DLGAP2: variants seen among roughly 807,000 people sequenced by gnomAD.
DLGAP2 encodes disks large-associated protein 2.
DLGAP2 carries 26 observed loss-of-function variants against 100.3 expected under a neutral mutation model. The observed-to-expected ratio is 0.26, with a 90% confidence interval of 0.19 to 0.36. The LOEUF is 0.36. Among genes scored for constraint, DLGAP2 ranks in the 10% least tolerant of loss-of-function variants. The probability of loss-of-function intolerance (pLI) is 1.00; values close to 1 mark genes in which losing one functional copy is unlikely to be tolerated. For missense variants in DLGAP2, 1,858 were observed against 1,453.2 expected, an observed-to-expected ratio of 1.28 and a Z score of -4.53; for synonymous variants, 886 against 630.1, an observed-to-expected ratio of 1.41 and a Z score of -6.08.
At chr8:740,180 G>A (rs1328449273) in intron 1 of DLGAP2, 4 of 152,174 alleles carry the variant, frequency 2.6e-5, no homozygotes, top group African/African-American at 9.7e-5. Flanking sequence ...TGAGTACTAC[G>A]TCAAATAATT....
intron 2 of DLGAP2, among the ~76,000 whole-genome samples, chr8:1,050,513 T>TA (rs1438231712): frequency 2.0e-5 from 3 of 152,186 alleles, no homozygotes; most frequent in Non-Finnish European, 4.4e-5. Context: ...ATTTTTGACT[T>TA]ACGGCATTTT....
intron 1 of DLGAP2, among the ~76,000 whole-genome samples, chr8:847,286 G>T (rs1261558545): frequency 6.6e-6 from 1 of 151,966 alleles, no homozygotes; most frequent in Non-Finnish European, 1.5e-5. Flanking sequence ...TGTTTCTTTT[G>T]ATCTATTTAA....
chr8:1,048,056 T>C (rs1802564270), intron 2 of DLGAP2, among the ~76,000 whole-genome samples: 1 of 152,178 alleles, frequency 6.6e-6, no homozygotes, highest in Admixed American at 6.5e-5. Flanking sequence ...GCTCAAGTTT[T>C]GGACCAACCT....
chr8:1,041,611 GCCCC>G (rs1802351189), intron 2 of DLGAP2, among the ~76,000 whole-genome samples: 1 of 125,118 alleles, frequency 8.0e-6, no homozygotes, highest in East Asian at 2.3e-4. Context: ...TGTTCTCCGA[GCCCC>G]TTGCCGTGGG....
At chr8:824,228 C>T (rs1057034917) in intron 1 of DLGAP2, among the ~76,000 whole-genome samples, 1 of 152,072 alleles carries the variant, frequency 6.6e-6, no homozygotes, top group Non-Finnish European at 1.5e-5. Context: ...GTACTTGCCA[C>T]CATGCCTGGC....
In DLGAP2 at chr8:1,370,804, C is replaced by G. The variant is rs1476923740; in HGVS notation, c.106+111921C>G. Among the ~76,000 whole-genome samples, 5 of 152,212 alleles carry G rather than the reference C, an allele frequency of 3.3e-5. No homozygotes were observed. In the East Asian group the frequency reaches 7.7e-4, roughly 23 times the overall value. ...ACTGCCTGGCCTGGGGCAAGTTCCACTCCTCTGTTTCTTCATCATTAAATT... is the reference window on the plus strand; with the variant it reads ...ACTGCCTGGCCTGGGGCAAGTTCCAGTCCTCTGTTTCTTCATCATTAAATT... On this transcript the variant is annotated intron_variant, in intron 3 of 14. Transcript: ENST00000637795.
intron 2 of DLGAP2, among the ~76,000 whole-genome samples, chr8:973,624 G>C (rs545987977): frequency 4.6e-4 from 70 of 152,352 alleles, no homozygotes; most frequent in African/African-American, 1.7e-3. Flanking sequence ...GGGAGGTGGA[G>C]GTTGTAGTGA....
At chr8:741,435 G>A (rs1039329386) in intron 1 of DLGAP2, among the ~76,000 whole-genome samples, 1 of 152,096 alleles carries the variant, frequency 6.6e-6, no homozygotes, top group African/African-American at 2.4e-5. Flanking sequence ...TCTTCTCCCA[G>A]TCCTCAGGTC....
intron 1 of DLGAP2, among the ~76,000 whole-genome samples, chr8:854,629 G>A (rs180826786): frequency 7.9e-5 from 12 of 152,272 alleles, no homozygotes; most frequent in East Asian, 3.9e-4. Context: ...ATGCATGTAC[G>A]TGTCTTTTTG....
intron 2 of DLGAP2, among the ~76,000 whole-genome samples, chr8:914,875 G>A (rs1798558485): frequency 6.6e-6 from 1 of 152,094 alleles, no homozygotes; most frequent in African/African-American, 2.4e-5. Context: ...GTGCAGATCT[G>A]TGGGGCTGGA....
intron 6 of DLGAP2, among the ~76,000 whole-genome samples, chr8:1,614,301 C>T (rs774402380): frequency 6.6e-6 from 1 of 152,230 alleles, no homozygotes; most frequent in Non-Finnish European, 1.5e-5. Context: ...CGTGGGGCCT[C>T]TGCAGCCAGA....
chr8:1,267,812 C>T (rs1799499307), intron 3 of DLGAP2, among the ~76,000 whole-genome samples: 1 of 151,958 alleles, frequency 6.6e-6, no homozygotes, highest in Non-Finnish European at 1.5e-5. Context: ...ACGCTGAGCT[C>T]AGTGCTGGTT....
At position 1,608,882 on chromosome 8, in the gene DLGAP2, G is replaced by A. The variant is rs900444592; in HGVS notation, c.1443-17858G>A. On this transcript the variant is annotated intron_variant, in intron 6 of 14. Coordinates refer to ENST00000637795, the MANE Select transcript of DLGAP2 (RefSeq NM_001346810.2). ...ATGAGCAAAGCCTCCAAGAAATATG[G>A]GACTATGTGAAAAGACCAAATCTAC... Among the ~76,000 whole-genome samples the A allele has an allele frequency of 4.4e-3, 661 of 151,636 alleles. 7 individuals carry two copies. The highest frequency in any genetic ancestry group is 0.016 in the African/African-American group (642 of 41,412).
chr8:1,220,516 T>C (rs765963051), intron 2 of DLGAP2, among the ~76,000 whole-genome samples: 3 of 152,174 alleles, frequency 2.0e-5, no homozygotes, highest in Non-Finnish European at 4.4e-5. Context: ...AATGGCTGTA[T>C]GGCCAAGGAT....
rs562816609 is a variant in DLGAP2, at chr8:1,121,660, C to T, written c.74-137191C>T. ...AACCCCTGATCACCCATCCTCATGTCTTCAGAACCCCTGACCACCCAACCT... is the reference window on the plus strand; with the variant it reads ...AACCCCTGATCACCCATCCTCATGTTTTCAGAACCCCTGACCACCCAACCT... On this transcript the variant is annotated intron_variant, in intron 2 of 14. Coordinates refer to ENST00000637795, the MANE Select transcript of DLGAP2 (RefSeq NM_001346810.2). Among the ~76,000 whole-genome samples, 7 of 152,088 alleles carry T rather than the reference C, an allele frequency of 4.6e-5. No individual in the cohort carries two copies. The South Asian group carries it at 1.3e-3, about 27-fold the overall frequency.
At chr8:1,077,029 C>T (rs1437042137) in intron 2 of DLGAP2, among the ~76,000 whole-genome samples, 6 of 150,954 alleles carry the variant, frequency 4.0e-5, no homozygotes, top group African/African-American at 1.2e-4. Context: ...TGTCCCGGGC[C>T]CCCCCAAGAC....
At chr8:1,276,840 T>C (rs1346132086) in intron 3 of DLGAP2, among the ~76,000 whole-genome samples, 1 of 152,232 alleles carries the variant, frequency 6.6e-6, no homozygotes, top group Non-Finnish European at 1.5e-5. Context: ...GAAGACGTTA[T>C]CATTTTCTCA....
At chr8:1,585,705 A>G (rs1349920998) in intron 6 of DLGAP2, among the ~76,000 whole-genome samples, 1 of 152,050 alleles carries the variant, frequency 6.6e-6, no homozygotes, top group African/African-American at 2.4e-5. Flanking sequence ...TGCCCCCACC[A>G]CCCAGCCGTG....
chr8:1,213,191 T>A (rs1798142146), intron 2 of DLGAP2, among the ~76,000 whole-genome samples: 1 of 152,176 alleles, frequency 6.6e-6, no homozygotes, highest in African/African-American at 2.4e-5. Context: ...TTAGCTGTTT[T>A]GCGGGTGTCA....
Sources: gnomAD v4.1 joint callset for allele counts (sites outside exome capture counted in the v4.1 genomes callset) on GRCh38, gnomAD v4.1.1 for gene constraint, MANE v1.5 for transcripts, NCBI Gene and HGNC (gene_info 2026-07-23, HGNC 2026-07-21) for gene names.